The following LRRC1 variants were observed in gnomAD, a reference collection of about 807,000 sequenced individuals.
LRRC1 encodes leucine-rich repeat-containing protein 1.
LRRC1 carries 28 observed loss-of-function variants against 69.9 expected under a neutral mutation model. The observed-to-expected ratio is 0.40, with a 90% CI of 0.30 to 0.55. The LOEUF (loss-of-function observed/expected upper bound fraction) is 0.55, where lower values mean the gene tolerates loss of function less well. Among genes scored for constraint, LRRC1 ranks in the 20% least tolerant of loss-of-function variants. LRRC1 has a pLI of 0.47. For synonymous variants in LRRC1, 236 were observed against 240.2 expected, an observed-to-expected ratio of 0.98 and a Z score of 0.16; for missense variants, 498 against 609.0, an observed-to-expected ratio of 0.82 and a Z score of 1.92.
chr6:53,898,483 T>G (rs1767943583), intron 7 of LRRC1, among the ~76,000 whole-genome samples: 1 of 152,208 alleles, frequency 6.6e-6, no homozygotes, highest in Non-Finnish European at 1.5e-5. Flanking sequence ...TGTGTGTAAA[T>G]GACTGTGCAA....
chr6:53,813,905 G>A (rs1438219868), intron 1 of LRRC1, among the ~76,000 whole-genome samples: 2 of 152,138 alleles, frequency 1.3e-5, no homozygotes, highest in Middle Eastern at 3.2e-3. Context: ...AGGTAATGAT[G>A]GTAATCTGAA....
intron 2 of LRRC1, among the ~76,000 whole-genome samples, chr6:53,845,281 G>A (rs1765907872): frequency 6.6e-6 from 1 of 152,192 alleles, no homozygotes; most frequent in African/African-American, 2.4e-5. Flanking sequence ...TAACCAACAG[G>A]TATAGGGGTC....
At chr6:53,917,634 C>G (rs1768608470) in intron 11 of LRRC1, among the ~76,000 whole-genome samples, 1 of 152,126 alleles carries the variant, frequency 6.6e-6, no homozygotes, top group Non-Finnish European at 1.5e-5. Context: ...TGCCAGTTTT[C>G]AAGTCTTGAT....
At chr6:53,852,231 TTAACA>T (rs779760682) in intron 2 of LRRC1, among the ~76,000 whole-genome samples, 1 of 152,124 alleles carries the variant, frequency 6.6e-6, no homozygotes, top group Non-Finnish European at 1.5e-5. Context: ...GTTAGAAAAA[TTAACA>T]TAAACAACTT....
In LRRC1 at chr6:53,922,752, G is replaced by T; in HGVS notation, c.1534G>T (p.Glu512Ter). Reference protein sequence around the residue: ...AAKGLDSNKNEVNHAIDRVTT... With the variant: ...AAKGLDSNKN Reference sequence around the variant, plus strand: ...TAAAGGACTGGACTCAAACAAAAACGAGGTCAATCATGCCATTGACCGAGT... The same window carrying T: ...TAAAGGACTGGACTCAAACAAAAACTAGGTCAATCATGCCATTGACCGAGT... The change falls in exon 14 of 14, where the codon GAG becomes TAG. Residue 512 changes from glutamate to a stop codon, truncating the protein, a stop_gained. Coordinates refer to ENST00000370888, the MANE Select transcript of LRRC1 (RefSeq NM_018214.5). LOFTEE classifies it high-confidence loss of function. 1 of 1,614,058 alleles carries T rather than the reference G, an allele frequency of 6.2e-7. No homozygotes were observed.
intron 1 of LRRC1, among the ~76,000 whole-genome samples, chr6:53,799,443 T>C (rs1764402867): frequency 6.6e-6 from 1 of 152,222 alleles, no homozygotes; most frequent in South Asian, 2.1e-4. Flanking sequence ...ATGGGCCCTG[T>C]TTCTTAGCCG....
intron 1 of LRRC1, among the ~76,000 whole-genome samples, chr6:53,836,976 A>C (rs1194624506): frequency 2.0e-4 from 31 of 152,194 alleles, no homozygotes; most frequent in Admixed American, 2.0e-3. Flanking sequence ...GAAATAATAT[A>C]GTATGCATTT....
At chr6:53,827,081 C>G (rs1765288609) in intron 1 of LRRC1, among the ~76,000 whole-genome samples, 1 of 152,050 alleles carries the variant, frequency 6.6e-6, no homozygotes, top group African/African-American at 2.4e-5. Context: ...ATTCCCAAAC[C>G]CTTGTGCCTG....
At position 53,897,487 on chromosome 6, in the gene LRRC1, C is replaced by G. The variant is rs1767914995; in HGVS notation, c.642+128C>G. ...AAACCAAAAACATTGATTGAAAAGG[C>G]ACATTTGGAAAAAACATATTGAGCA... On this transcript the variant is annotated intron_variant, in intron 7 of 13. Transcript: ENST00000370888. 4.8e-6 allele frequency: 3 copies of G among 625,478 alleles called. No homozygotes were observed. The Admixed American group carries it at 1.0e-4, about 21-fold the overall frequency. The allele number at this position is 625,478 out of a possible 1,614,324, so 38.7% of individuals were successfully genotyped here.
At chr6:53,831,010 T>C (rs906495653) in intron 1 of LRRC1, among the ~76,000 whole-genome samples, 7 of 150,214 alleles carry the variant, frequency 4.7e-5, no homozygotes, top group Non-Finnish European at 7.4e-5. Flanking sequence ...TGGCAAAAAC[T>C]GTAATTACTT....
Position 53,922,975 on chromosome 6 carries a change from A to C in LRRC1, c.*182A>C, listed in dbSNP as rs1581924193. The C allele has an allele frequency of 3.8e-6, 2 of 522,742 alleles. No homozygotes were observed. Among genetic ancestry groups the C allele is most frequent in the Non-Finnish European group, 6.7e-6 (2 of 297,436 alleles). The allele number at this position is 522,742 out of a possible 1,614,324, so 32.4% of individuals were successfully genotyped here. A position where few individuals can be genotyped will look rare whatever the true frequency, so the allele number is the denominator to read the frequency against. On this transcript the variant is annotated 3_prime_UTR_variant, in exon 14 of 14. Coordinates refer to ENST00000370888, the MANE Select transcript of LRRC1 (RefSeq NM_018214.5). Reference sequence around the variant, plus strand: ...TACTCATCCCGCAACCAGTCAGCGCACCAGTGGTCTCCCGGTGTGATTTTT... The same window carrying C: ...TACTCATCCCGCAACCAGTCAGCGCCCCAGTGGTCTCCCGGTGTGATTTTT...
chr6:53,916,743 A>G (rs1175263104), intron 11 of LRRC1, among the ~76,000 whole-genome samples: 1 of 152,220 alleles, frequency 6.6e-6, no homozygotes, highest in East Asian at 1.9e-4. Flanking sequence ...AGATGAAACT[A>G]CATTGTAAGG....
chr6:53,911,072 T>C (rs1398364131), intron 10 of LRRC1, among the ~76,000 whole-genome samples: 1 of 152,168 alleles, frequency 6.6e-6, no homozygotes, highest in Non-Finnish European at 1.5e-5. Context: ...ACAATAGAGA[T>C]CAGGAGGTCA....
At chr6:53,800,760 C>T (rs1764459158) in intron 1 of LRRC1, among the ~76,000 whole-genome samples, 1 of 151,306 alleles carries the variant, frequency 6.6e-6, no homozygotes, top group African/African-American at 2.4e-5. Flanking sequence ...CTGTCTCAGC[C>T]CCCTGAGTAG....
chr6:53,825,528 A>G lies in LRRC1; in HGVS notation c.160-16582A>G, dbSNP rs139029590. ...GGAAATAAAGGATTTTATAAACATTATAAGTGTGCTTTGGGTTCCTGGGGT... is the reference window on the plus strand; with the variant it reads ...GGAAATAAAGGATTTTATAAACATTGTAAGTGTGCTTTGGGTTCCTGGGGT... On this transcript the variant is annotated intron_variant, in intron 1 of 13. Transcript: ENST00000370888. Among the ~76,000 whole-genome samples the G allele has an allele frequency of 7.2e-5, 11 of 152,320 alleles. No individual in the cohort carries two copies. The East Asian group carries it at 7.7e-4, about 11-fold the overall frequency.
chr6:53,848,287 A>G (rs1766012516), intron 2 of LRRC1, among the ~76,000 whole-genome samples: 1 of 152,242 alleles, frequency 6.6e-6, no homozygotes. Flanking sequence ...TTTGTTAGGA[A>G]GAAGAGTTAA....
At chr6:53,821,768 G>T (rs1329707882) in intron 1 of LRRC1, among the ~76,000 whole-genome samples, 2 of 152,104 alleles carry the variant, frequency 1.3e-5, no homozygotes, top group East Asian at 3.9e-4. Flanking sequence ...ATGACTTTAA[G>T]GGAATTTTTT....
intron 1 of LRRC1, among the ~76,000 whole-genome samples, chr6:53,829,778 C>T (rs1338217393): frequency 2.6e-5 from 4 of 152,166 alleles, no homozygotes; most frequent in South Asian, 2.1e-4. Flanking sequence ...TTACCGAGAA[C>T]GGATTGTGCC....
intron 9 of LRRC1, 38 bp from the exon 10 acceptor site, chr6:53,904,341 T>C (rs1768164554): frequency 8.0e-7 from 1 of 1,252,742 alleles, no homozygotes; most frequent in Non-Finnish European, 1.2e-6. Context: ...ATGTTAAAAA[T>C]GTGTGTTAAA....
Sources: gnomAD v4.1 joint callset for allele counts (sites outside exome capture counted in the v4.1 genomes callset) on GRCh38, gnomAD v4.1.1 for gene constraint, MANE v1.5 for transcripts, NCBI Gene and HGNC (gene_info 2026-07-23, HGNC 2026-07-21) for gene names.